Variants in FBXO32 observed in about 807,000 individuals in gnomAD.
FBXO32 encodes F-box protein 32.
Under a neutral mutation model 48.3 loss-of-function variants are expected in FBXO32, and 15 were observed. The observed-to-expected ratio is 0.31, with a 90% CI of 0.21 to 0.48. FBXO32 has a LOEUF of 0.48. Ranked by LOEUF, FBXO32 falls within the 20% of genes least tolerant of loss-of-function variation. The pLI, the probability that FBXO32 is intolerant of heterozygous loss-of-function variation, is 0.99. For missense variants in FBXO32, 309 were observed against 432.7 expected, an observed-to-expected ratio of 0.71 and a Z score of 2.54; for synonymous variants, 154 against 165.9, an observed-to-expected ratio of 0.93 and a Z score of 0.55.
At position 123,540,847 on chromosome 8, in the gene FBXO32, CCA is replaced by C; in HGVS notation, c.116+50_116+51del. 2 of 1,497,622 alleles carry C rather than the reference CCA, an allele frequency of 1.3e-6. No homozygotes were observed. The highest frequency in any genetic ancestry group is 2.3e-5 in the South Asian group (2 of 86,668). The allele number at this position is 1,497,622 out of a possible 1,614,324, so 92.8% of individuals were successfully genotyped here. ...ATTCGCCGTCCCTGCGCCCCCCAGA[CCA>C]GCCCGGGTCAGTTTCGCGGGGGCTG... On this transcript the variant is annotated intron_variant, in intron 1 of 8. Coordinates refer to ENST00000517956, the MANE Select transcript of FBXO32 (RefSeq NM_058229.4). The surrounding 1 kb of genome is among the most constrained non-coding windows in gnomAD (Gnocchi z 6.4).
rs765819068 is a variant in FBXO32 at position 123,504,585 on chromosome 8, C to T, written c.978+19G>A. 1.2e-6 allele frequency: 2 copies of T among 1,604,162 alleles called. No homozygotes were observed. The highest frequency in any genetic ancestry group is 2.3e-5 in the East Asian group (1 of 44,194). On this transcript the variant is annotated intron_variant, in intron 8 of 8. Transcript: ENST00000517956. ...GGGCTGGGCTGGGGGTCTGTGGCAGCCACCTCTGAGACACATACCTTCCAG... is the reference window on the plus strand; with the variant it reads ...GGGCTGGGCTGGGGGTCTGTGGCAGTCACCTCTGAGACACATACCTTCCAG...
chr8:123,534,732 CCTT>C lies in FBXO32; in HGVS notation c.196_198del (p.Lys66del), dbSNP rs1211095204. On this transcript the variant is annotated inframe_deletion, in exon 2 of 9. Transcript: ENST00000517956. Reference sequence around the variant, plus strand: ...GTTTTGGTTTTGCTATTCAGCATGTCCTTCTTTCTCTTCTTGGCTGCAACATCA... The same window carrying C: ...GTTTTGGTTTTGCTATTCAGCATGTCCTTTCTCTTCTTGGCTGCAACATCA... 6.2e-7 allele frequency: 1 copy of C among 1,613,728 alleles called. No individual in the cohort carries two copies. The highest frequency in any genetic ancestry group is 8.5e-7 in the Non-Finnish European group (1 of 1,179,780).
In FBXO32 at chr8:123,499,482, A is replaced by C. The variant is rs1263314963; in HGVS notation, c.*3891T>G. ...TTGGAAACAGATTAAAAAAAAAAAA[A>C]AGATGTCAACATAGAAAATGATGAT... is the stretch of plus-strand genomic sequence containing the variant. On this transcript the variant is annotated 3_prime_UTR_variant, in exon 9 of 9. Transcript: ENST00000517956. The C allele has an allele frequency of 6.6e-6, 1 of 152,076 alleles. No individual in the cohort carries two copies. The allele number at this position is 152,076 out of a possible 1,614,324, so 9.4% of individuals were successfully genotyped here.
At chr8:123,521,650 C>T (rs1338472925) in intron 4 of FBXO32, among the ~76,000 whole-genome samples, 1 of 152,108 alleles carries the variant, frequency 6.6e-6, no homozygotes, top group African/African-American at 2.4e-5. Context: ...CATGCTCTAT[C>T]ATTCTCATAC....
intron 1 of FBXO32, among the ~76,000 whole-genome samples, chr8:123,538,114 C>T (rs1223014865): frequency 1.3e-5 from 2 of 152,114 alleles, no homozygotes; most frequent in African/African-American, 4.8e-5. Context: ...AGGGGTCCTG[C>T]TTTAAGCTTA....
chr8:123,535,662 T>C (rs62521283), intron 1 of FBXO32, among the ~76,000 whole-genome samples: 13,857 of 152,220 alleles, frequency 0.091, 734 homozygotes, highest in Non-Finnish European at 0.12. Context: ...TAATGAACTA[T>C]TCTACTATAC....
At chr8:123,526,183 CATA>C (rs1817071622) in intron 4 of FBXO32, among the ~76,000 whole-genome samples, 1 of 151,706 alleles carries the variant, frequency 6.6e-6, no homozygotes, top group Admixed American at 6.6e-5. Context: ...TGACCAAGAT[CATA>C]ATAACCAGCT....
At position 123,505,457 on chromosome 8, in the gene FBXO32, A is replaced by AGGTG. The variant is rs1816596317; in HGVS notation, c.835-711_835-710insCACC. Among the ~76,000 whole-genome samples the AGGTG allele has an allele frequency of 3.3e-5, 5 of 152,156 alleles. 1 individual carries two copies. Among genetic ancestry groups the AGGTG allele is most frequent in the Admixed American group, 2.6e-4 (4 of 15,290 alleles). On this transcript the variant is annotated intron_variant, in intron 7 of 8. Transcript: ENST00000517956. The stretch of plus-strand genomic sequence containing the variant: ...TATCTGTAAAAGTACTCTACCACAC[A>AGGTG]GGGTGCGGTGGCTCACGCCTGTAAT...
At chr8:123,503,523 C>T in intron 8 of FBXO32, 61 bp from the exon 9 acceptor site, 1 of 1,363,724 alleles carries the variant, frequency 7.3e-7, no homozygotes, top group South Asian at 1.2e-5. Flanking sequence ...CTTTTAGCAC[C>T]ATAAGGCATT....
At chr8:123,527,128 T>G (rs891769178) in intron 4 of FBXO32, 1 of 152,234 alleles carries the variant, frequency 6.6e-6, no homozygotes, top group African/African-American at 2.4e-5. Context: ...TCTTAGCTCA[T>G]GGGCCATACA....
chr8:123,533,130 C>T (rs1467169339), intron 3 of FBXO32, 61 bp downstream of exon 3: 1 of 1,272,020 alleles, frequency 7.9e-7, no homozygotes, highest in Non-Finnish European at 1.1e-6. Flanking sequence ...CCATATCCCT[C>T]CCTGCGCTAT....
chr8:123,503,506 T>A, intron 8 of FBXO32, 44 bp from the exon 9 acceptor site: 1 of 1,538,278 alleles, frequency 6.5e-7, no homozygotes, highest in Non-Finnish European at 9.0e-7. Context: ...CAGAGGCCTC[T>A]CTTTGGCTTT....
chr8:123,516,862 G>A (rs1005880601), intron 4 of FBXO32, among the ~76,000 whole-genome samples: 2 of 152,018 alleles, frequency 1.3e-5, no homozygotes, highest in Non-Finnish European at 2.9e-5. Context: ...TCTGCTGAAA[G>A]AGGCGGGAAA....
chr8:123,537,679 C>T (rs1218735873), intron 1 of FBXO32, among the ~76,000 whole-genome samples: 2 of 152,152 alleles, frequency 1.3e-5, no homozygotes, highest in Non-Finnish European at 2.9e-5. Context: ...GGCTAGCACC[C>T]GGAATGCTCT....
chr8:123,507,590 G>C (rs1432946464), intron 6 of FBXO32, among the ~76,000 whole-genome samples: 2 of 152,020 alleles, frequency 1.3e-5, no homozygotes, highest in African/African-American at 4.8e-5. Context: ...GAAAACTGCT[G>C]GTCTGTGGAT....
chr8:123,519,387 T>C (rs1024670601), intron 4 of FBXO32, among the ~76,000 whole-genome samples: 6 of 148,344 alleles, frequency 4.0e-5, no homozygotes, highest in African/African-American at 1.5e-4. Context: ...CCATCTCTAC[T>C]AAAAATACAA....
chr8:123,523,983 A>T (rs1817017942), intron 4 of FBXO32, among the ~76,000 whole-genome samples: 1 of 152,336 alleles, frequency 6.6e-6, no homozygotes. Flanking sequence ...GCAACACTGC[A>T]GGGTAGACAT....
At chr8:123,534,492 C>G (rs1307949815) in intron 2 of FBXO32, among the ~76,000 whole-genome samples, 2 of 152,186 alleles carry the variant, frequency 1.3e-5, no homozygotes, top group Non-Finnish European at 2.9e-5. Flanking sequence ...AACTGACTTA[C>G]AAACAAGACT....
At chr8:123,511,748 T>C (rs1385955219) in intron 6 of FBXO32, among the ~76,000 whole-genome samples, 7 of 152,134 alleles carry the variant, frequency 4.6e-5, no homozygotes, top group Non-Finnish European at 1.0e-4. Flanking sequence ...AGTGCTGGGA[T>C]TACAGACATG....
Sources: gnomAD v4.1 joint callset for allele counts (sites outside exome capture counted in the v4.1 genomes callset) on GRCh38, gnomAD v4.1.1 for gene constraint, Gnocchi (gnomAD v3.1) non-coding constraint, MANE v1.5 for transcripts, NCBI Gene and HGNC (gene_info 2026-07-23, HGNC 2026-07-21) for gene names.